DAG1: variants seen among roughly 807,000 people sequenced by gnomAD.
The protein encoded by DAG1 is dystroglycan 1.
In DAG1, 8 loss-of-function variants were observed where a neutral mutation model predicts 46.1. That is an observed-to-expected ratio of 0.17 (90% CI 0.10 to 0.31). The LOEUF is 0.31. Ranked by LOEUF, DAG1 falls within the 10% of genes least tolerant of loss-of-function variation. The pLI, the probability that DAG1 is intolerant of heterozygous loss-of-function variation, is 1.00. For missense variants in DAG1, 1,003 were observed against 1,189.9 expected (o/e 0.84, Z 2.31); for synonymous variants, 495 against 481.8 (o/e 1.03, Z -0.36).
At chr3:49,504,343 ATTG>A (rs1488079056) in intron 1 of DAG1, among the ~76,000 whole-genome samples, 3 of 150,492 alleles carry the variant, frequency 2.0e-5, no homozygotes, top group Non-Finnish European at 4.4e-5. Flanking sequence ...ATTCATTTTT[ATTG>A]TTTATTAGTA....
Position 49,532,907 on chromosome 3 carries a change from T to C in DAG1, c.2396T>C (p.Ile799Thr). ...ATFIKKGVPI[I>T]FADELDDSKP... The stretch of plus-strand genomic sequence containing the variant: ...TTCATCAAGAAGGGGGTGCCTATCA[T>C]CTTTGCAGACGAACTGGACGACTCC... The change falls in exon 3 of 3, where the codon ATC becomes ACC. Residue 799 changes from isoleucine (I) to threonine (T), a missense_variant. Physicochemically the swap from Ile to Thr is moderately conservative, Grantham distance 89. Coordinates refer to ENST00000308775, the MANE Select transcript of DAG1 (RefSeq NM_004393.6). This position sits in a 1 kb window ranked among gnomAD's most constrained non-coding sequence, Gnocchi z 5.4. The C allele has an allele frequency of 6.2e-7, 1 of 1,614,058 alleles. No individual in the cohort carries two copies.
In DAG1 at chr3:49,477,487, C is replaced by T. The variant is rs1173880948; in HGVS notation, c.-117+7054C>T. ...TTGTAACTTTTTGTGGAGATGGGAACTCACTATGTTGTCTGGGCTGATCTC... is the reference window on the plus strand; with the variant it reads ...TTGTAACTTTTTGTGGAGATGGGAATTCACTATGTTGTCTGGGCTGATCTC... On this transcript the variant is annotated intron_variant, in intron 1 of 2. Coordinates refer to ENST00000308775, the MANE Select transcript of DAG1 (RefSeq NM_004393.6). Among the ~76,000 whole-genome samples, 3 of 152,068 alleles carry T rather than the reference C, an allele frequency of 2.0e-5. 1 individual carries two copies. Among genetic ancestry groups the T allele is most frequent in the African/African-American group, 7.2e-5 (3 of 41,414 alleles).
chr3:49,530,009 CTG>C (rs2051295286), intron 2 of DAG1, among the ~76,000 whole-genome samples: 1 of 152,172 alleles, frequency 6.6e-6, no homozygotes, highest in South Asian at 2.1e-4. Context: ...GAAGAGGTCT[CTG>C]TGTATTTCCT....
chr3:49,489,967 T>C (rs2050138313), intron 1 of DAG1, among the ~76,000 whole-genome samples: 1 of 152,168 alleles, frequency 6.6e-6, no homozygotes, highest in Non-Finnish European at 1.5e-5. Flanking sequence ...TGCTGACTGC[T>C]TCACAATTGT....
At chr3:49,510,331 A>G in intron 1 of DAG1, 88 bp from the exon 2 acceptor site, 1 of 616,296 alleles carries the variant, frequency 1.6e-6, no homozygotes, top group Non-Finnish European at 2.9e-6. Context: ...CTCGGGGTAG[A>G]TGTTTTTGAC....
chr3:49,478,420 C>G (rs1321183447), intron 1 of DAG1, among the ~76,000 whole-genome samples: 1 of 134,540 alleles, frequency 7.4e-6, no homozygotes, highest in African/African-American at 2.7e-5. Context: ...CAAAGAGAGA[C>G]CCTGTCTCTA....
chr3:49,483,233 T>C (rs1384656775), intron 1 of DAG1, among the ~76,000 whole-genome samples: 1 of 151,454 alleles, frequency 6.6e-6, no homozygotes, highest in Non-Finnish European at 1.5e-5. Context: ...GAGACAGTTT[T>C]AGTCTTGTTG....
Position 49,531,482 on chromosome 3 carries a change from T to A in DAG1, c.971T>A (p.Ile324Asn), listed in dbSNP as rs745449164. Residue 324 changes from isoleucine to asparagine, a missense_variant, in exon 3 of 3, where the codon ATT becomes AAT. Physicochemically the swap from Ile to Asn is moderately radical, Grantham distance 149 (BLOSUM62 -3). Coordinates refer to ENST00000308775, the MANE Select transcript of DAG1 (RefSeq NM_004393.6). The surrounding 1 kb of genome is among the most constrained non-coding windows in gnomAD (Gnocchi z 7.0). ...GCTACACCCACACCTGTCACTGCCATTGGGCCCCCAACCACGGCTATCCAG... is the reference window on the plus strand; with the variant it reads ...GCTACACCCACACCTGTCACTGCCAATGGGCCCCCAACCACGGCTATCCAG... Reference protein sequence around the residue: ...IHATPTPVTAIGPPTTAIQEP... With the variant: ...IHATPTPVTANGPPTTAIQEP... 125 of 1,613,658 alleles carry A rather than the reference T, an allele frequency of 7.7e-5. No individual in the cohort carries two copies. The highest frequency in any genetic ancestry group is 1.0e-4 in the Non-Finnish European group (122 of 1,179,878).
rs71080530 is a variant in DAG1 at position 49,522,037 on chromosome 3, A to ATT, written c.286-8752_286-8751dup. 7.7e-5 allele frequency among the ~76,000 whole-genome samples: 11 copies of ATT among 143,318 alleles called. No individual in the cohort carries two copies. In the East Asian group the frequency reaches 8.0e-4, roughly 10 times the overall value. 94.0% of individuals were successfully genotyped at this position (143,318 alleles called of 152,430 possible). On this transcript the variant is annotated intron_variant, in intron 2 of 2. Transcript: ENST00000308775. Reference sequence around the variant, plus strand: ...GCTAATTTTCTTTTTACTTTATTTTATTTTTTTTTGAGACAAAGTCTCACT... The same window carrying ATT: ...GCTAATTTTCTTTTTACTTTATTTTATTTTTTTTTTTGAGACAAAGTCTCACT...
intron 1 of DAG1, among the ~76,000 whole-genome samples, chr3:49,507,461 G>C (rs1457298369): frequency 6.6e-6 from 1 of 152,082 alleles, no homozygotes; most frequent in Non-Finnish European, 1.5e-5. Context: ...TACTTGGGAG[G>C]CTGAGGCAGG....
Position 49,534,249 on chromosome 3 carries a change from T to C in DAG1, c.*1050T>C, listed in dbSNP as rs1035231980. ...TTTGAAACACTCAGTGGGGGACATT[T>C]TGGTGAAGATGCAATATTTTTATGT... is the stretch of plus-strand genomic sequence containing the variant. On this transcript the variant is annotated 3_prime_UTR_variant, in exon 3 of 3. Transcript: ENST00000308775. The C allele has an allele frequency of 6.6e-6, 1 of 152,624 alleles. No individual in the cohort carries two copies. The allele number at this position is 152,624 out of a possible 1,614,324, so 9.5% of individuals were successfully genotyped here. A position where few individuals can be genotyped will look rare whatever the true frequency, so the allele number is the denominator to read the frequency against.
intron 1 of DAG1, among the ~76,000 whole-genome samples, chr3:49,491,735 C>G (rs908820465): frequency 1.3e-5 from 2 of 152,062 alleles, no homozygotes; most frequent in African/African-American, 4.8e-5. Context: ...GTCGGCCTCC[C>G]AAAGTGCTAG....
chr3:49,508,986 T>G (rs1167000745), intron 1 of DAG1, among the ~76,000 whole-genome samples: 1 of 152,182 alleles, frequency 6.6e-6, no homozygotes, highest in Admixed American at 6.5e-5. Context: ...ATACAATTCA[T>G]AAGATTGAGG....
chr3:49,526,244 A>G (rs2051168131), intron 2 of DAG1, among the ~76,000 whole-genome samples: 1 of 152,180 alleles, frequency 6.6e-6, no homozygotes, highest in South Asian at 2.1e-4. Flanking sequence ...AATCACCCCC[A>G]TGATCCAGTC....
chr3:49,482,514 A>G (rs1320763214), intron 1 of DAG1, among the ~76,000 whole-genome samples: 2 of 152,208 alleles, frequency 1.3e-5, no homozygotes, highest in African/African-American at 2.4e-5. Context: ...GTTTGCAGCA[A>G]TGCTGCCTTG....
chr3:49,520,041 T>C (rs1489107359), intron 2 of DAG1, among the ~76,000 whole-genome samples: 1 of 152,230 alleles, frequency 6.6e-6, no homozygotes, highest in East Asian at 1.9e-4. Flanking sequence ...TTTGCATGTC[T>C]AACAGCAGGA....
At chr3:49,500,307 C>T (rs2050413398) in intron 1 of DAG1, among the ~76,000 whole-genome samples, 1 of 152,148 alleles carries the variant, frequency 6.6e-6, no homozygotes, top group Non-Finnish European at 1.5e-5. Context: ...ACTGCACCTA[C>T]CTGGCCTGAC....
chr3:49,509,486 CT>C (rs1401538175), intron 1 of DAG1, among the ~76,000 whole-genome samples: 1 of 152,110 alleles, frequency 6.6e-6, no homozygotes, highest in East Asian at 1.9e-4. Context: ...GAACAGTCAT[CT>C]TATGTTTAGG....
chr3:49,520,560 TCTGCAGGTCC>T (rs1323944979), intron 2 of DAG1, among the ~76,000 whole-genome samples: 1 of 152,214 alleles, frequency 6.6e-6, no homozygotes, highest in Non-Finnish European at 1.5e-5. Flanking sequence ...AACGCAGGCC[TCTGCAGGTCC>T]AGCATTGGGA....
Sources: gnomAD v4.1 joint callset for allele counts (sites outside exome capture counted in the v4.1 genomes callset) on GRCh38, gnomAD v4.1.1 for gene constraint, Gnocchi (gnomAD v3.1) non-coding constraint, MANE v1.5 for transcripts, NCBI Gene and HGNC (gene_info 2026-07-23, HGNC 2026-07-21) for gene names.